The following YTHDF2 variants were observed in gnomAD, a reference collection of about 807,000 sequenced individuals.
YTHDF2 encodes the protein YTH domain-containing family protein 2.
Under a neutral mutation model 50.4 loss-of-function variants are expected in YTHDF2, and 2 were observed. The ratio of observed to expected loss-of-function variants is 0.04; its 90% CI spans 0.02 to 0.12. The LOEUF is 0.12. Ranked by LOEUF, YTHDF2 falls within the 10% of genes least tolerant of loss-of-function variation. The pLI is 1.00. For synonymous variants in YTHDF2, 217 were observed against 255.6 expected (o/e 0.85, Z 1.44); for missense variants, 483 against 722.6 (o/e 0.67, Z 3.80).
At chr1:28,760,434 A>G (rs867846180) in intron 4 of YTHDF2, among the ~76,000 whole-genome samples, 1 of 152,040 alleles carries the variant, frequency 6.6e-6, no homozygotes, top group Non-Finnish European at 1.5e-5. Flanking sequence ...AGCTGGGACT[A>G]CAGGCGCCCG....
At chr1:28,742,215 G>C (rs944918591) in intron 3 of YTHDF2, among the ~76,000 whole-genome samples, 188 bp from the exon 4 acceptor site, 1 of 151,804 alleles carries the variant, frequency 6.6e-6, no homozygotes, top group Non-Finnish European at 1.5e-5. Flanking sequence ...GGTTGGTCTC[G>C]AGCTCCTGAC....
At chr1:28,760,238 T>C (rs2124200030) in intron 4 of YTHDF2, among the ~76,000 whole-genome samples, 1 of 152,052 alleles carries the variant, frequency 6.6e-6, no homozygotes, top group African/African-American at 2.4e-5. Context: ...AAAAGTATAG[T>C]ATAGTAAATA....
At chr1:28,746,856 C>T (rs1389566735) in intron 4 of YTHDF2, among the ~76,000 whole-genome samples, 1 of 152,002 alleles carries the variant, frequency 6.6e-6, no homozygotes, top group African/African-American at 2.4e-5. Context: ...CCGAGGTGGG[C>T]GGATCACCTG....
intron 4 of YTHDF2, 86 bp from the exon 5 acceptor site, chr1:28,768,843 T>G (rs1382021567): frequency 1.6e-5 from 16 of 969,830 alleles, no homozygotes; most frequent in Non-Finnish European, 2.4e-5. Flanking sequence ...ATTAAATTTC[T>G]GTTGAGTTAT....
chr1:28,757,959 T>A (rs1394639228), intron 4 of YTHDF2, among the ~76,000 whole-genome samples: 1 of 152,176 alleles, frequency 6.6e-6, no homozygotes, highest in Non-Finnish European at 1.5e-5. Context: ...GTAATAATCC[T>A]GTAAAAGAGT....
intron 4 of YTHDF2, among the ~76,000 whole-genome samples, chr1:28,763,933 T>C (rs1468894315): frequency 2.0e-5 from 3 of 146,606 alleles, no homozygotes; most frequent in African/African-American, 7.5e-5. Flanking sequence ...ATTATTATTA[T>C]TATTTTTTAA....
At chr1:28,768,628 GT>G (rs2088256860) in intron 4 of YTHDF2, among the ~76,000 whole-genome samples, 1 of 152,048 alleles carries the variant, frequency 6.6e-6, no homozygotes, top group Non-Finnish European at 1.5e-5. Context: ...GTATGTTTGG[GT>G]TACTTCCATT....
intron 4 of YTHDF2, among the ~76,000 whole-genome samples, chr1:28,749,363 G>A (rs1189376474): frequency 6.6e-6 from 1 of 151,750 alleles, no homozygotes; most frequent in South Asian, 2.1e-4. Context: ...TGTATTTTTA[G>A]TAGAGACGGG....
intron 4 of YTHDF2, among the ~76,000 whole-genome samples, chr1:28,747,157 G>A (rs1038887339): frequency 3.3e-5 from 5 of 152,190 alleles, no homozygotes; most frequent in Non-Finnish European, 5.9e-5. Context: ...AATGATAATT[G>A]AACTTGATAT....
intron 4 of YTHDF2, among the ~76,000 whole-genome samples, chr1:28,755,236 A>G (rs1382510784): frequency 1.3e-5 from 2 of 152,126 alleles, no homozygotes; most frequent in Non-Finnish European, 2.9e-5. Flanking sequence ...CAGCCAGGTG[A>G]TAGTAGGCAG....
At chr1:28,750,525 TGAC>T (rs1433520381) in intron 4 of YTHDF2, among the ~76,000 whole-genome samples, 1 of 152,202 alleles carries the variant, frequency 6.6e-6, no homozygotes, top group African/African-American at 2.4e-5. Context: ...GAGGATTAGC[TGAC>T]TCAGGATAAC....
intron 4 of YTHDF2, among the ~76,000 whole-genome samples, chr1:28,758,694 ACATGAACTGCAGGGTTACCT>A (rs1231262584): frequency 6.6e-6 from 1 of 152,216 alleles, no homozygotes; most frequent in East Asian, 1.9e-4. Context: ...GTCATGTTAT[ACATGAACTGCAGGGTTACCT>A]CACTTTGGTG....
chr1:28,765,068 C>T (rs2088196667), intron 4 of YTHDF2, among the ~76,000 whole-genome samples: 1 of 152,056 alleles, frequency 6.6e-6, no homozygotes, highest in African/African-American at 2.4e-5. Flanking sequence ...ACCTGTTACC[C>T]AGGCTGGAGT....
In YTHDF2 at chr1:28,742,631, G is replaced by C; in HGVS notation, c.361G>C (p.Gly121Arg). The C allele has an allele frequency of 6.2e-7, 1 of 1,614,102 alleles. No individual in the cohort carries two copies. The highest frequency in any genetic ancestry group is 8.5e-7 in the Non-Finnish European group (1 of 1,180,008). ...LGSTPFLGQHGFNFFPSGIDF... is the reference protein window; with the variant it reads ...LGSTPFLGQHRFNFFPSGIDF... Reference sequence around the variant, plus strand: ...TAGCACTCCATTTCTTGGTCAGCATGGTTTTAATTTCTTTCCCAGTGGGAT... The same window carrying C: ...TAGCACTCCATTTCTTGGTCAGCATCGTTTTAATTTCTTTCCCAGTGGGAT... Residue 121 changes from glycine to arginine, a missense_variant, in exon 4 of 5, where the codon GGT becomes CGT. Coordinates refer to ENST00000373812, the MANE Select transcript of YTHDF2 (RefSeq NM_016258.3).
At chr1:28,754,361 CT>C (rs2088005429) in intron 4 of YTHDF2, among the ~76,000 whole-genome samples, 1 of 152,092 alleles carries the variant, frequency 6.6e-6, no homozygotes, top group Non-Finnish European at 1.5e-5. Flanking sequence ...AACACTGTCT[CT>C]ACTAAAAATA....
chr1:28,738,357 A>G lies in YTHDF2; in HGVS notation c.132+19A>G, dbSNP rs757904575. 1 of 1,586,706 alleles carries G rather than the reference A, an allele frequency of 6.3e-7. No homozygotes were observed. The highest frequency in any genetic ancestry group is 8.7e-7 in the Non-Finnish European group (1 of 1,155,276). On this transcript the variant is annotated intron_variant, in intron 3 of 4. Transcript: ENST00000373812. ...AAGGCCCGTGAGTAGTTAACTATTT[A>G]CATATCTAATCGAAGGGTGTGGTAT... is the stretch of plus-strand genomic sequence containing the variant.
At chr1:28,750,821 G>A (rs1036192439) in intron 4 of YTHDF2, among the ~76,000 whole-genome samples, 6 of 151,758 alleles carry the variant, frequency 4.0e-5, no homozygotes, top group African/African-American at 1.5e-4. Flanking sequence ...GGCTGGATGC[G>A]GTGACTCATG....
intron 4 of YTHDF2, among the ~76,000 whole-genome samples, chr1:28,763,388 C>T (rs374002667): frequency 7.9e-5 from 12 of 152,300 alleles, no homozygotes; most frequent in African/African-American, 2.9e-4. Context: ...ATTCTCCTGC[C>T]TCAGCCTCCT....
rs1304085275 is a variant in YTHDF2 at position 28,745,733 on chromosome 1, C to CG, written c.1716+1747_1716+1748insG. Among the ~76,000 whole-genome samples the CG allele has an allele frequency of 1.2e-4, 14 of 121,212 alleles. 1 individual carries two copies. Among genetic ancestry groups the CG allele is most frequent in the Non-Finnish European group, 1.3e-4 (7 of 54,086 alleles). 79.5% of individuals were successfully genotyped at this position (121,212 alleles called of 152,430 possible). On this transcript the variant is annotated intron_variant, in intron 4 of 4. Transcript: ENST00000373812. ...ACTCCCATCTCCCCCCGCCCCCCCC[C>CG]CCCAAAAAAAAACTAACATATTTTG...
Sources: gnomAD v4.1 joint callset for allele counts (sites outside exome capture counted in the v4.1 genomes callset) on GRCh38, gnomAD v4.1.1 for gene constraint, MANE v1.5 for transcripts, NCBI Gene and HGNC (gene_info 2026-07-23, HGNC 2026-07-21) for gene names.